The following SLC12A8 variants were observed in gnomAD, a reference collection of about 807,000 sequenced individuals.
SLC12A8 encodes solute carrier family 12 member 8.
In SLC12A8, 69 loss-of-function variants were observed where a neutral mutation model predicts 75.6. That is an observed-to-expected ratio of 0.91 (90% CI 0.75 to 1.11). SLC12A8 has a LOEUF of 1.11. SLC12A8 is among the 50% of genes most tolerant of loss of function. SLC12A8 has a pLI of 0.00. For synonymous variants in SLC12A8, 365 were observed against 372.8 expected, an observed-to-expected ratio of 0.98 and a Z score of 0.24; for missense variants, 877 against 896.7, an observed-to-expected ratio of 0.98 and a Z score of 0.28.
intron 4 of SLC12A8, among the ~76,000 whole-genome samples, chr3:125,184,885 T>G (rs1934739890): frequency 1.3e-5 from 2 of 151,390 alleles, no homozygotes; most frequent in Non-Finnish European, 2.9e-5. Flanking sequence ...TCTAAGCTGA[T>G]CAAGAAAAAA....
chr3:125,177,365 C>A (rs992746069), intron 5 of SLC12A8, among the ~76,000 whole-genome samples: 1 of 151,480 alleles, frequency 6.6e-6, no homozygotes, highest in Non-Finnish European at 1.5e-5. Flanking sequence ...AGGAGATATA[C>A]CTAATGTAAA....
At chr3:125,135,912 C>T (rs989821016) in intron 5 of SLC12A8, 130 bp from the exon 6 acceptor site, 55 of 506,906 alleles carry the variant, frequency 1.1e-4, no homozygotes, top group Non-Finnish European at 1.6e-4. Context: ...TGACACACAG[C>T]GACAGAGCGG....
intron 10 of SLC12A8, among the ~76,000 whole-genome samples, chr3:125,099,755 C>T (rs951050630): frequency 1.3e-5 from 2 of 151,970 alleles, no homozygotes; most frequent in Non-Finnish European, 2.9e-5. Flanking sequence ...ATGGTGAAAC[C>T]CCATCTCTAC....
At chr3:125,193,474 G>A (rs1934946258) in intron 2 of SLC12A8, among the ~76,000 whole-genome samples, 1 of 152,224 alleles carries the variant, frequency 6.6e-6, no homozygotes, top group African/African-American at 2.4e-5. Context: ...AGTGCCCAGA[G>A]CTCGCCTCTT....
intron 2 of SLC12A8, among the ~76,000 whole-genome samples, chr3:125,209,989 A>T (rs774594485): frequency 6.6e-6 from 1 of 152,172 alleles, no homozygotes; most frequent in Non-Finnish European, 1.5e-5. Flanking sequence ...TGGATTTCTA[A>T]ATCATGAACA....
chr3:125,187,882 G>T (rs548737937), intron 3 of SLC12A8, among the ~76,000 whole-genome samples: 1 of 152,202 alleles, frequency 6.6e-6, no homozygotes, highest in South Asian at 2.1e-4. Flanking sequence ...CAGGAAGCTG[G>T]CCCTGTAACC....
chr3:125,166,268 C>CA (rs935505658), intron 5 of SLC12A8, among the ~76,000 whole-genome samples: 2 of 152,154 alleles, frequency 1.3e-5, no homozygotes, highest in African/African-American at 2.4e-5. Context: ...ACCAGCCAGC[C>CA]AGTCAGGTGT....
intron 2 of SLC12A8, among the ~76,000 whole-genome samples, chr3:125,202,766 C>T (rs1186011777): frequency 6.6e-6 from 1 of 151,616 alleles, no homozygotes; most frequent in Non-Finnish European, 1.5e-5. Flanking sequence ...AGGACACAAA[C>T]AAATGGAAAG....
intron 13 of SLC12A8, among the ~76,000 whole-genome samples, chr3:125,085,429 C>A (rs539414161): frequency 6.6e-6 from 1 of 152,168 alleles, no homozygotes; most frequent in African/African-American, 2.4e-5. Context: ...GAGGAAGTAA[C>A]CTAGCCAAAT....
chr3:125,123,421 A>G (rs1166324821), intron 6 of SLC12A8: 1 of 151,212 alleles, frequency 6.6e-6, no homozygotes, highest in Non-Finnish European at 1.5e-5. Flanking sequence ...CAAGTTTGAG[A>G]CCAGCTTGGA....
intron 6 of SLC12A8, among the ~76,000 whole-genome samples, chr3:125,134,178 T>G (rs1287896804): frequency 6.6e-6 from 1 of 152,172 alleles, no homozygotes; most frequent in African/African-American, 2.4e-5. Flanking sequence ...CTCAGCTCAC[T>G]GCAACCTCTG....
At chr3:125,121,066 C>G in intron 6 of SLC12A8, 1 of 557,864 alleles carries the variant, frequency 1.8e-6, no homozygotes, top group Non-Finnish European at 3.1e-6. Context: ...CTGGCAGCCT[C>G]CTGCTCAGCA....
intron 11 of SLC12A8, 35 bp from the exon 12 acceptor site, chr3:125,091,591 A>C: frequency 7.0e-7 from 1 of 1,424,926 alleles, no homozygotes; most frequent in Non-Finnish European, 9.9e-7. Flanking sequence ...AAATCACCTA[A>C]TGGCTTTCTA....
intron 3 of SLC12A8, among the ~76,000 whole-genome samples, chr3:125,189,525 C>T (rs1934866811): frequency 6.6e-6 from 1 of 152,206 alleles, no homozygotes; most frequent in African/African-American, 2.4e-5. Flanking sequence ...GTTTTCAGAA[C>T]TCTCCTAATG....
chr3:125,143,206 A>G (rs1056948192), intron 5 of SLC12A8, among the ~76,000 whole-genome samples: 2 of 152,244 alleles, frequency 1.3e-5, no homozygotes, highest in Non-Finnish European at 2.9e-5. Flanking sequence ...TCAAGTCCCA[A>G]TCTGTTGGGC....
intron 2 of SLC12A8, among the ~76,000 whole-genome samples, chr3:125,197,437 A>G (rs1935029319): frequency 6.6e-6 from 1 of 152,076 alleles, no homozygotes; most frequent in Admixed American, 6.5e-5. Context: ...GATTACAGGT[A>G]TGCATCACCA....
intron 5 of SLC12A8, among the ~76,000 whole-genome samples, chr3:125,177,300 G>T (rs1009595434): frequency 5.0e-5 from 7 of 140,806 alleles, no homozygotes; most frequent in Non-Finnish European, 7.6e-5. Context: ...ACAGGAAGGG[G>T]AACATCACAC....
intron 2 of SLC12A8, among the ~76,000 whole-genome samples, chr3:125,203,723 C>T (rs1935174673): frequency 1.3e-5 from 2 of 152,060 alleles, no homozygotes; most frequent in South Asian, 4.2e-4. Context: ...GCAACAGAAA[C>T]AAAAATAGAC....
intron 5 of SLC12A8, among the ~76,000 whole-genome samples, chr3:125,164,399 T>C (rs1934243280): frequency 6.6e-6 from 1 of 152,190 alleles, no homozygotes; most frequent in Admixed American, 6.5e-5. Context: ...CAAAGATAAA[T>C]AGAATAATCT....
Sources: allele counts gnomAD v4.1 joint callset (sites outside exome capture counted in the v4.1 genomes callset), GRCh38; gene constraint gnomAD v4.1.1; transcripts MANE v1.5; gene names NCBI Gene and HGNC (gene_info 2026-07-23, HGNC 2026-07-21).